SLC26A5: variants seen among roughly 807,000 people sequenced by gnomAD.
SLC26A5 encodes the protein prestin.
Under a neutral mutation model 81.0 loss-of-function variants are expected in SLC26A5, and 51 were observed. That is an observed-to-expected ratio of 0.63 (90% CI 0.50 to 0.80). SLC26A5 has a LOEUF of 0.80. Among genes scored for constraint, SLC26A5 ranks in the 30% least tolerant of loss-of-function variants. The probability of loss-of-function intolerance (pLI) is 0.00; values close to 1 mark genes in which losing one functional copy is unlikely to be tolerated. For synonymous variants in SLC26A5, 325 were observed against 332.8 expected, an observed-to-expected ratio of 0.98 and a Z score of 0.25; for missense variants, 771 against 905.8, an observed-to-expected ratio of 0.85 and a Z score of 1.91.
chr7:103,399,458 G>C (rs374044046), intron 8 of SLC26A5, among the ~76,000 whole-genome samples: 2 of 151,750 alleles, frequency 1.3e-5, no homozygotes, highest in African/African-American at 4.9e-5. Context: ...ACAAGACTGA[G>C]GAAAAGAAAA....
intron 19 of SLC26A5, among the ~76,000 whole-genome samples, chr7:103,358,876 C>A (rs1005851204): frequency 5.3e-5 from 8 of 152,014 alleles, no homozygotes; most frequent in Admixed American, 2.0e-4. Context: ...AGATCCCAGG[C>A]CTTAAAGAAA....
intron 2 of SLC26A5, among the ~76,000 whole-genome samples, chr7:103,437,087 A>G (rs1826505226): frequency 6.6e-6 from 1 of 152,244 alleles, no homozygotes; most frequent in African/African-American, 2.4e-5. Flanking sequence ...ACAACCTGAT[A>G]GCAAGAAAAC....
chr7:103,361,932 C>G, intron 19 of SLC26A5: 1 of 1,589,512 alleles, frequency 6.3e-7, no homozygotes, highest in South Asian at 1.1e-5. Flanking sequence ...GTTCCTTATT[C>G]TAATCAAGCT....
chr7:103,383,027 C>T (rs1821920951), intron 14 of SLC26A5, among the ~76,000 whole-genome samples: 1 of 152,216 alleles, frequency 6.6e-6, no homozygotes, highest in Non-Finnish European at 1.5e-5. Flanking sequence ...AAATTTCCTC[C>T]ATAAGCATTC....
intron 14 of SLC26A5, among the ~76,000 whole-genome samples, chr7:103,382,610 A>T (rs1484542011): frequency 6.6e-6 from 1 of 152,072 alleles, no homozygotes; most frequent in Non-Finnish European, 1.5e-5. Context: ...TCGGCCTCCC[A>T]AAGTGCCAGG....
At chr7:103,415,035 T>C (rs1824798461) in intron 4 of SLC26A5, among the ~76,000 whole-genome samples, 1 of 152,206 alleles carries the variant, frequency 6.6e-6, no homozygotes, top group Non-Finnish European at 1.5e-5. Context: ...GGCATCCCTC[T>C]TCAGAATGTG....
chr7:103,428,782 G>A (rs953828182), intron 2 of SLC26A5, among the ~76,000 whole-genome samples: 3 of 152,058 alleles, frequency 2.0e-5, no homozygotes, highest in African/African-American at 7.2e-5. Context: ...TGGCAAGGCT[G>A]GTCTTGAACT....
At chr7:103,400,961 T>C (rs1353560993) in intron 8 of SLC26A5, among the ~76,000 whole-genome samples, 1 of 152,224 alleles carries the variant, frequency 6.6e-6, no homozygotes, top group African/African-American at 2.4e-5. Context: ...TTGGTTACTG[T>C]AGCCTTGTAG....
chr7:103,390,020 T>C (rs1822518699), intron 12 of SLC26A5, among the ~76,000 whole-genome samples: 1 of 152,242 alleles, frequency 6.6e-6, no homozygotes. Flanking sequence ...ACCTATGGTC[T>C]TTCTACATTA....
At chr7:103,407,526 G>A (rs892007079) in intron 8 of SLC26A5, among the ~76,000 whole-genome samples, 6 of 152,044 alleles carry the variant, frequency 3.9e-5, no homozygotes, top group African/African-American at 1.4e-4. Flanking sequence ...TCTTTTTTAG[G>A]TTATTAAAGT....
At chr7:103,415,415 G>A (rs979909775) in intron 4 of SLC26A5, among the ~76,000 whole-genome samples, 4 of 152,062 alleles carry the variant, frequency 2.6e-5, no homozygotes, top group Admixed American at 2.6e-4. Flanking sequence ...TCTCAAAGGA[G>A]AGCGCTCCCC....
rs1032732249 is a variant in SLC26A5, at chr7:103,365,983, G to C, written c.2041+10825C>G. The C allele has an allele frequency of 4.0e-6, 4 of 988,724 alleles. No homozygotes were observed. The African/African-American group carries it at 5.0e-5, about 12-fold the overall frequency. The allele number at this position is 988,724 out of a possible 1,614,324, so 61.2% of individuals were successfully genotyped here. A position where few individuals can be genotyped will look rare whatever the true frequency, so the allele number is the denominator to read the frequency against. On this transcript the variant is annotated intron_variant, in intron 19 of 19. Coordinates refer to the SLC26A5 transcript ENST00000339444. ...TAATAATGGGTGAGAATACTGTTAG[G>C]AATAAATATTGAAAAGTTTGAAGCA...
intron 18 of SLC26A5, 21 bp downstream of exon 18, chr7:103,377,578 C>T (rs1446114713): frequency 1.9e-6 from 3 of 1,610,806 alleles, no homozygotes; most frequent in Non-Finnish European, 2.5e-6. Flanking sequence ...TATTAAATGA[C>T]TCGTTCAAGA....
intron 16 of SLC26A5, among the ~76,000 whole-genome samples, chr7:103,378,969 A>C (rs557451485): frequency 3.9e-5 from 6 of 152,294 alleles, no homozygotes; most frequent in African/African-American, 1.4e-4. Context: ...TTTTCTTAAA[A>C]TTTTGTTTGA....
At chr7:103,366,215 G>A (rs1298273645) in intron 19 of SLC26A5, 5 of 1,468,336 alleles carry the variant, frequency 3.4e-6, no homozygotes, top group Non-Finnish European at 3.8e-6. Flanking sequence ...CATGAAAGCT[G>A]TAAAGTGATA....
At chr7:103,412,886 G>A (rs1686462762) in intron 5 of SLC26A5, 116 bp downstream of exon 5, 1 of 788,866 alleles carries the variant, frequency 1.3e-6, no homozygotes, top group African/African-American at 1.7e-5. Flanking sequence ...TGTGTATGCA[G>A]TAACAAAAGT....
chr7:103,428,625 C>T (rs528310140), intron 2 of SLC26A5, among the ~76,000 whole-genome samples: 1 of 148,816 alleles, frequency 6.7e-6, no homozygotes, highest in African/African-American at 2.5e-5. Context: ...TGCAGTGGCA[C>T]CATCTTGGCT....
chr7:103,390,418 A>G lies in SLC26A5; in HGVS notation c.1311+11T>C. The G allele has an allele frequency of 6.2e-7, 1 of 1,612,780 alleles. No homozygotes were observed. The highest frequency in any genetic ancestry group is 8.5e-7 in the Non-Finnish European group (1 of 1,178,716). ...TGAAAAAAACTTCACCCAAGTCCACATTACACACACCTGGGGCAATGATTC... is the reference window on the plus strand; with the variant it reads ...TGAAAAAAACTTCACCCAAGTCCACGTTACACACACCTGGGGCAATGATTC... On this transcript the variant is annotated intron_variant, in intron 12 of 19. Coordinates refer to ENST00000306312, the MANE Select transcript of SLC26A5 (RefSeq NM_198999.3).
At chr7:103,352,788 G>T in exon 20 of SLC26A5, 1 of 777,188 alleles carries the variant, frequency 1.3e-6, no homozygotes, top group South Asian at 1.4e-5. Context: ...AGTGTTAAGT[G>T]ACTTGGCTGA....
Sources: gnomAD v4.1 joint callset for allele counts (sites outside exome capture counted in the v4.1 genomes callset) on GRCh38, gnomAD v4.1.1 for gene constraint, MANE v1.5 for transcripts, NCBI Gene and HGNC (gene_info 2026-07-23, HGNC 2026-07-21) for gene names.